EXOC6: variants seen among roughly 807,000 people sequenced by gnomAD.
EXOC6 encodes exocyst complex component 6, also known as SEC15-like 1.
In EXOC6, 60 loss-of-function variants were observed where a neutral mutation model predicts 112.5. That is an observed-to-expected ratio of 0.53 (90% CI 0.43 to 0.66). The LOEUF (loss-of-function observed/expected upper bound fraction) is 0.66. Among genes scored for constraint, EXOC6 ranks in the 30% least tolerant of loss-of-function variants. EXOC6 has a pLI of 0.00. For missense variants in EXOC6, 855 were observed against 957.1 expected (o/e 0.89, Z 1.41); for synonymous variants, 295 against 308.0 (o/e 0.96, Z 0.44).
At position 92,954,636 on chromosome 10, in the gene EXOC6, A is replaced by G. The variant is rs565901402; in HGVS notation, c.1533A>G (p.Thr511=). The G allele has an allele frequency of 3.3e-5, 52 of 1,570,234 alleles. No individual in the cohort carries two copies. Among genetic ancestry groups the G allele is most frequent in the Non-Finnish European group, 4.4e-5 (50 of 1,146,238 alleles). The change falls in exon 16 of 22, where the codon ACA becomes ACG. Residue 511 remains threonine (T), a synonymous_variant. Transcript: ENST00000260762. ...TATCAATCTTTGTTTTTAGCTCAAC[A>G]GAAATAGACGATATGCTTAGAAAAT... ...KFSESLHRSS[T]EIDDMLRKST...
chr10:92,999,223 GT>G (rs35698961), intron 19 of EXOC6: 37,369 of 333,410 alleles, frequency 0.11, 13 homozygotes, highest in South Asian at 0.16. Context: ...TTTTTTACAA[GT>G]TTTTTTTTTT....
chr10:92,855,274 C>T (rs945439942), intron 1 of EXOC6, among the ~76,000 whole-genome samples: 2 of 152,000 alleles, frequency 1.3e-5, no homozygotes, highest in African/African-American at 4.8e-5. Flanking sequence ...ATTGCCCAGG[C>T]TGGTCTTGAA....
intron 20 of EXOC6, among the ~76,000 whole-genome samples, chr10:93,030,151 G>C (rs969487814): frequency 6.6e-6 from 1 of 152,080 alleles, no homozygotes. Flanking sequence ...CAGGTGATCT[G>C]CCTGCCTCGA....
chr10:92,977,948 A>G (rs948897923), intron 18 of EXOC6, among the ~76,000 whole-genome samples: 1 of 152,238 alleles, frequency 6.6e-6, no homozygotes, highest in African/African-American at 2.4e-5. Context: ...TCTATCTGTT[A>G]CGACATTTTG....
intron 8 of EXOC6, among the ~76,000 whole-genome samples, chr10:92,922,671 TCA>T (rs1259332771): frequency 6.6e-6 from 1 of 152,196 alleles, no homozygotes; most frequent in Non-Finnish European, 1.5e-5. Flanking sequence ...CACACAATAT[TCA>T]CAATATAGCT....
intron 17 of EXOC6, among the ~76,000 whole-genome samples, chr10:92,959,824 T>G (rs553823645): frequency 6.6e-6 from 1 of 152,306 alleles, no homozygotes; most frequent in African/African-American, 2.4e-5. Context: ...ACTACACACC[T>G]ATTAGAGTGG....
intron 4 of EXOC6, among the ~76,000 whole-genome samples, chr10:92,896,187 T>A (rs1378823475): frequency 0.01 from 102 of 10,142 alleles, no homozygotes; most frequent in African/African-American, 0.013. Flanking sequence ...ATATATTTTT[T>A]TTTTTTTTTT....
rs963167518 is a variant in EXOC6 at position 92,955,656 on chromosome 10, C to T, written c.1715C>T (p.Thr572Ile). 1 of 1,611,184 alleles carries T rather than the reference C, an allele frequency of 6.2e-7. No homozygotes were observed. Among genetic ancestry groups the T allele is most frequent in the Non-Finnish European group, 8.5e-7 (1 of 1,177,880 alleles). Residue 572 changes from threonine (T) to isoleucine (I), a missense_variant, in exon 17 of 22, where the codon ACA (threonine) becomes ATA (isoleucine). Transcript: ENST00000260762. ...CTTGAGGACTTTATAACTAACATTA[C>T]AAATATTTCCCAAGAAACTGTTCAT... ...KYLEDFITNITNISQETVHTT... is the reference protein window; with the variant it reads ...KYLEDFITNIINISQETVHTT...
intron 6 of EXOC6, among the ~76,000 whole-genome samples, chr10:92,914,715 A>G (rs182892771): frequency 6.6e-6 from 1 of 152,290 alleles, no homozygotes; most frequent in African/African-American, 2.4e-5. Flanking sequence ...TGCAACTTGC[A>G]TGGTCTGATA....
chr10:92,849,043 C>T (rs1321538996), intron 1 of EXOC6, among the ~76,000 whole-genome samples: 1 of 152,134 alleles, frequency 6.6e-6, no homozygotes, highest in East Asian at 1.9e-4. Context: ...CTAGGGTCGA[C>T]AGCAGGCACC....
intron 18 of EXOC6, among the ~76,000 whole-genome samples, chr10:92,991,008 C>T (rs987295409): frequency 6.6e-6 from 1 of 152,130 alleles, no homozygotes; most frequent in Non-Finnish European, 1.5e-5. Context: ...TTATAATAGT[C>T]TGCCACCTAC....
At chr10:92,961,701 GTT>G (rs11374075) in intron 17 of EXOC6, among the ~76,000 whole-genome samples, 42 of 145,686 alleles carry the variant, frequency 2.9e-4, no homozygotes, top group Admixed American at 2.5e-3. Flanking sequence ...TCCGCTTTCT[GTT>G]TTTTTTTTTT....
intron 1 of EXOC6, among the ~76,000 whole-genome samples, chr10:92,891,111 T>G (rs1343709491): frequency 6.6e-6 from 1 of 152,142 alleles, no homozygotes. Flanking sequence ...AGTCCAAGGT[T>G]TTTTGCCTGA....
Position 92,939,113 on chromosome 10 carries a change from C to T in EXOC6, c.1213-1614C>T, listed in dbSNP as rs1204419451. Among the ~76,000 whole-genome samples the T allele has an allele frequency of 2.0e-5, 3 of 152,052 alleles. No individual in the cohort carries two copies. In the East Asian group the frequency reaches 5.8e-4, roughly 29 times the overall value. The stretch of plus-strand genomic sequence containing the variant: ...GATTAAACTGATGAGGTGGTTTGAC[C>T]CAGATTATGGGACATCTTGTGGGAC... On this transcript the variant is annotated intron_variant, in intron 12 of 21. Transcript: ENST00000260762.
intron 1 of EXOC6, among the ~76,000 whole-genome samples, chr10:92,892,527 CTG>C (rs1849558129): frequency 1.3e-5 from 2 of 152,256 alleles, no homozygotes; most frequent in Admixed American, 1.3e-4. Flanking sequence ...ACAGCTAAAA[CTG>C]TGTGGCCTCA....
At chr10:92,907,776 A>G (rs1258422200) in intron 5 of EXOC6, among the ~76,000 whole-genome samples, 1 of 152,144 alleles carries the variant, frequency 6.6e-6, no homozygotes, top group Non-Finnish European at 1.5e-5. Context: ...TACATAATTC[A>G]TTATTTCACT....
chr10:92,859,254 G>A (rs1375081633), intron 1 of EXOC6, among the ~76,000 whole-genome samples: 4 of 152,012 alleles, frequency 2.6e-5, no homozygotes, highest in Non-Finnish European at 5.9e-5. Context: ...TGGCTTGTTT[G>A]GACTATTCTA....
chr10:93,016,852 A>T (rs2134244709), intron 20 of EXOC6, among the ~76,000 whole-genome samples: 1 of 149,254 alleles, frequency 6.7e-6, no homozygotes, highest in East Asian at 2.0e-4. Flanking sequence ...CGCTCTTGTC[A>T]CCAAAGCTGG....
intron 1 of EXOC6, among the ~76,000 whole-genome samples, chr10:92,858,364 G>A (rs1847728219): frequency 6.6e-6 from 1 of 152,040 alleles, no homozygotes; most frequent in South Asian, 2.1e-4. Flanking sequence ...ATGCTGGTGT[G>A]CTTAATGATG....
Sources: gnomAD v4.1 joint callset for allele counts (sites outside exome capture counted in the v4.1 genomes callset) on GRCh38, gnomAD v4.1.1 for gene constraint, MANE v1.5 for transcripts, NCBI Gene and HGNC (gene_info 2026-07-23, HGNC 2026-07-21) for gene names.